The following ARHGEF16 variants were observed in gnomAD, a reference collection of about 807,000 sequenced individuals.
The protein encoded by ARHGEF16 is Rho guanine exchange factor (GEF) 16.
ARHGEF16 carries 59 observed loss-of-function variants against 74.1 expected under a neutral mutation model. The observed-to-expected ratio is 0.80, with a 90% confidence interval of 0.65 to 0.99. ARHGEF16 has a LOEUF of 0.99. ARHGEF16 is among the 50% of genes least tolerant of loss of function. ARHGEF16 has a pLI of 0.00. For missense variants in ARHGEF16, 948 were observed against 986.6 expected, an observed-to-expected ratio of 0.96 and a Z score of 0.52; for synonymous variants, 415 against 412.6, an observed-to-expected ratio of 1.01 and a Z score of -0.07.
intron 6 of ARHGEF16, among the ~76,000 whole-genome samples, chr1:3,470,910 A>C (rs1244568240): frequency 3.2e-4 from 10 of 31,652 alleles, no homozygotes; most frequent in African/African-American, 1.3e-3. Context: ...GGCCAGGGGT[A>C]TGTGTGTGGG....
In ARHGEF16 at chr1:3,478,505, G is replaced by GC. The variant is rs1639959248; in HGVS notation, c.1710dup (p.Gly571ArgfsTer6). ...AGATAGAGCCGTCTGAGCTCCCTCT[G>GC]CCCGGGGGCGGCAACCGTAGCTCCT... On this transcript the variant is annotated frameshift_variant, in exon 12 of 15. Transcript: ENST00000378378. LOFTEE classifies it high-confidence loss of function. 6.2e-7 allele frequency: 1 copy of GC among 1,612,666 alleles called. No individual in the cohort carries two copies. The highest frequency in any genetic ancestry group is 1.1e-5 in the South Asian group (1 of 91,082).
chr1:3,475,910 G>C, intron 9 of ARHGEF16, 60 bp from the exon 10 acceptor site: 1 of 1,491,158 alleles, frequency 6.7e-7, no homozygotes, highest in Non-Finnish European at 9.0e-7. Context: ...ACTGTGGGCC[G>C]TGTGGGCTGT....
chr1:3,465,872 G>A, intron 2 of ARHGEF16: 1 of 458,670 alleles, frequency 2.2e-6, no homozygotes, highest in South Asian at 2.6e-5. Context: ...CCCTGCCACG[G>A]GCCTGCTCGA....
chr1:3,462,593 G>A (rs775358856), intron 1 of ARHGEF16, among the ~76,000 whole-genome samples: 6 of 152,196 alleles, frequency 3.9e-5, no homozygotes, highest in Non-Finnish European at 7.3e-5. Flanking sequence ...CGTTCACCAC[G>A]AGGAAGTGGT....
intron 3 of ARHGEF16, 145 bp downstream of exon 3, chr1:3,466,338 C>T: frequency 1.2e-6 from 1 of 861,648 alleles, no homozygotes; most frequent in Non-Finnish European, 1.8e-6. Flanking sequence ...GGCTGAGGTC[C>T]CAGTGGCTGG....
In ARHGEF16 at chr1:3,473,233, G is replaced by T. The variant is rs558335013; in HGVS notation, c.1175+3G>T. On this transcript the variant is annotated splice_donor_region_variant and intron_variant, in intron 7 of 14. Transcript: ENST00000378378. Reference sequence around the variant, plus strand: ...CAGCGCACGCTGCAGAAGCTGATGTGAGTGGGCGGCCCCGAGGCCCGCAGG... The same window carrying T: ...CAGCGCACGCTGCAGAAGCTGATGTTAGTGGGCGGCCCCGAGGCCCGCAGG... 6.2e-7 allele frequency: 1 copy of T among 1,612,626 alleles called. No homozygotes were observed. The highest frequency in any genetic ancestry group is 1.7e-5 in the Admixed American group (1 of 60,000).
In ARHGEF16 at chr1:3,480,954, G is replaced by T; in HGVS notation, c.*367G>T. 1 of 262,158 alleles carries T rather than the reference G, an allele frequency of 3.8e-6. No individual in the cohort carries two copies. Among genetic ancestry groups the T allele is most frequent in the Non-Finnish European group, 7.2e-6 (1 of 137,976 alleles). 16.2% of individuals were successfully genotyped at this position (262,158 alleles called of 1,614,324 possible). On this transcript the variant is annotated 3_prime_UTR_variant, in exon 15 of 15. Coordinates refer to ENST00000378378, the MANE Select transcript of ARHGEF16 (RefSeq NM_014448.4). The stretch of plus-strand genomic sequence containing the variant: ...TAGCGATTATTGGGGGCAATGCGAG[G>T]TCTCCTCCTATGCCCTTCCTACCCC...
intron 5 of ARHGEF16, 115 bp from the exon 6 acceptor site, chr1:3,469,318 C>A: frequency 8.1e-7 from 1 of 1,241,328 alleles, no homozygotes; most frequent in South Asian, 1.4e-5. Flanking sequence ...GTCTGGGGTT[C>A]CTGTCCCCAC....
intron 6 of ARHGEF16, among the ~76,000 whole-genome samples, chr1:3,470,040 G>A (rs991260098): frequency 6.6e-6 from 1 of 152,220 alleles, no homozygotes; most frequent in Non-Finnish European, 1.5e-5. Flanking sequence ...GCAGGGCCTG[G>A]AGGTAGAGAG....
intron 6 of ARHGEF16, among the ~76,000 whole-genome samples, chr1:3,470,685 G>A (rs1355274885): frequency 5.4e-5 from 8 of 149,492 alleles, no homozygotes; most frequent in East Asian, 2.1e-4. Context: ...GTGTGTGTGC[G>A]TGGGCAAGGG....
chr1:3,473,027 G>A (rs776465589), intron 6 of ARHGEF16, 51 bp from the exon 7 acceptor site: 5 of 1,587,292 alleles, frequency 3.2e-6, no homozygotes, highest in Non-Finnish European at 4.3e-6. Context: ...TGCACACGTG[G>A]GGCCCGACCA....
intron 2 of ARHGEF16, among the ~76,000 whole-genome samples, chr1:3,465,271 C>T (rs977666880): frequency 2.0e-5 from 3 of 152,318 alleles, no homozygotes; most frequent in South Asian, 2.1e-4. Flanking sequence ...GGGAGAATGC[C>T]GAGGGCTGGG....
intron 8 of ARHGEF16, 179 bp downstream of exon 8, chr1:3,473,701 C>A: frequency 9.6e-7 from 1 of 1,045,850 alleles, no homozygotes; most frequent in Non-Finnish European, 1.4e-6. Flanking sequence ...GTGGTCGCCG[C>A]CACCCACAGA....
chr1:3,471,002 G>A (rs1355465685), intron 6 of ARHGEF16, among the ~76,000 whole-genome samples: 5 of 147,194 alleles, frequency 3.4e-5, no homozygotes, highest in African/African-American at 1.0e-4. Context: ...AGGGGTGTGC[G>A]TGGGTGTGTG....
At chr1:3,456,344 A>C (rs1639263805) in intron 1 of ARHGEF16, among the ~76,000 whole-genome samples, 1 of 152,222 alleles carries the variant, frequency 6.6e-6, no homozygotes, top group African/African-American at 2.4e-5. Context: ...GTTGTGATCC[A>C]GGCGCAGGCG....
chr1:3,471,875 T>C, intron 6 of ARHGEF16: 1 of 1,020,736 alleles, frequency 9.8e-7, no homozygotes, highest in Non-Finnish European at 1.2e-6. Context: ...CTGGCCGGCC[T>C]GGGCACGTAC....
intron 1 of ARHGEF16, among the ~76,000 whole-genome samples, chr1:3,461,836 C>A (rs370118863): frequency 1.3e-5 from 2 of 152,168 alleles, no homozygotes; most frequent in African/African-American, 4.8e-5. Context: ...GTCATGGCAG[C>A]CAGGGAAGAC....
chr1:3,471,702 G>T, intron 6 of ARHGEF16: 1 of 1,239,838 alleles, frequency 8.1e-7, no homozygotes, highest in African/African-American at 1.6e-5. Flanking sequence ...GCTGCCCTGG[G>T]GCGGGAAGCT....
At chr1:3,471,300 G>A (rs971064115) in intron 6 of ARHGEF16, among the ~76,000 whole-genome samples, 4 of 151,992 alleles carry the variant, frequency 2.6e-5, no homozygotes, top group African/African-American at 7.3e-5. Flanking sequence ...AGATGATTAG[G>A]GGCCTGTAGT....
Sources: gnomAD v4.1 joint callset for allele counts (sites outside exome capture counted in the v4.1 genomes callset) on GRCh38, gnomAD v4.1.1 for gene constraint, MANE v1.5 for transcripts, NCBI Gene and HGNC (gene_info 2026-07-23, HGNC 2026-07-21) for gene names.